The following GALNT13 variants were observed in gnomAD, a reference collection of about 807,000 sequenced individuals.
GALNT13 encodes polypeptide N-acetylgalactosaminyltransferase 13, also known as UDP-GalNAc:polypeptide N-acetylgalactosaminyltransferase 13.
In GALNT13, 28 loss-of-function variants were observed where a neutral mutation model predicts 64.2. The ratio of observed to expected loss-of-function variants is 0.44; its 90% confidence interval spans 0.32 to 0.60. The LOEUF is 0.60. GALNT13 is among the 20% of genes least tolerant of loss of function. GALNT13 has a pLI of 0.05. For missense variants in GALNT13, 577 were observed against 669.8 expected (o/e 0.86, Z 1.53); for synonymous variants, 214 against 224.6 (o/e 0.95, Z 0.42).
chr2:154,177,645 A>T (rs1267458065), intron 4 of GALNT13, among the ~76,000 whole-genome samples: 1 of 152,188 alleles, frequency 6.6e-6, no homozygotes, highest in Admixed American at 6.5e-5. Flanking sequence ...AGTAACAGGG[A>T]TACTGTGCAG....
At position 154,242,711 on chromosome 2, in the gene GALNT13, G is replaced by A; in HGVS notation, c.492G>A (p.Leu164=). Residue 164 remains leucine, a synonymous_variant, in exon 6 of 13, where the codon TTG becomes TTA. Transcript: ENST00000392825. ...TACATGTTACAGATTTTCTCAAGTT[G>A]ACATTAGAGAATTACGTGAAAAATT... ...DDASERDFLK[L]TLENYVKNLE... 1 of 1,608,504 alleles carries A rather than the reference G, an allele frequency of 6.2e-7. No homozygotes were observed. Among genetic ancestry groups the A allele is most frequent in the Non-Finnish European group, 8.5e-7 (1 of 1,175,096 alleles).
chr2:154,266,374 T>G (rs1691001797), intron 8 of GALNT13, among the ~76,000 whole-genome samples: 2 of 152,084 alleles, frequency 1.3e-5, no homozygotes, highest in South Asian at 4.1e-4. Flanking sequence ...TCCAATGGAA[T>G]CTACAAAAGT....
chr2:153,766,588 T>G, the GALNT13 span, among the ~76,000 whole-genome samples: 1 of 152,148 alleles, frequency 6.6e-6, no homozygotes, highest in South Asian at 2.1e-4. Context: ...TAATTTCAGA[T>G]ATTCTGTCTT....
the GALNT13 span, among the ~76,000 whole-genome samples, chr2:153,283,161 GC>G: frequency 6.6e-6 from 1 of 152,204 alleles, no homozygotes; most frequent in African/African-American, 2.4e-5. Context: ...GATGGGAGGG[GC>G]CAGACAGGGC....
chr2:153,861,946 A>G, the GALNT13 span, among the ~76,000 whole-genome samples: 1 of 152,106 alleles, frequency 6.6e-6, no homozygotes, highest in Non-Finnish European at 1.5e-5. Context: ...AATCTAGCTA[A>G]TGGTGGCTCA....
At chr2:154,287,977 T>C (rs1469620431) in intron 8 of GALNT13, among the ~76,000 whole-genome samples, 1 of 152,124 alleles carries the variant, frequency 6.6e-6, no homozygotes, top group Non-Finnish European at 1.5e-5. Context: ...TTGTCCAACC[T>C]GCTTTGCTTT....
At chr2:153,664,984 G>C in the GALNT13 span, among the ~76,000 whole-genome samples, 1 of 152,142 alleles carries the variant, frequency 6.6e-6, no homozygotes, top group Admixed American at 6.5e-5. Context: ...GGCAGCAATA[G>C]TAACTAGAAC....
At chr2:154,430,474 C>T (rs1020467313) in intron 11 of GALNT13, among the ~76,000 whole-genome samples, 1 of 152,158 alleles carries the variant, frequency 6.6e-6, no homozygotes, top group Non-Finnish European at 1.5e-5. Flanking sequence ...CAAGCTAAAA[C>T]TTTAATGAAT....
intron 8 of GALNT13, among the ~76,000 whole-genome samples, chr2:154,294,038 G>A (rs539551930): frequency 6.6e-6 from 1 of 152,166 alleles, no homozygotes; most frequent in African/African-American, 2.4e-5. Context: ...CAAATTTTGA[G>A]GAGAGGCTTT....
the GALNT13 span, among the ~76,000 whole-genome samples, chr2:153,465,159 T>C: frequency 2.6e-5 from 4 of 152,280 alleles, no homozygotes; most frequent in African/African-American, 7.2e-5. Flanking sequence ...CTCTACCACC[T>C]GGAGAGGAGT....
At chr2:154,443,054 A>G (rs1701383334) in intron 12 of GALNT13, among the ~76,000 whole-genome samples, 1 of 152,052 alleles carries the variant, frequency 6.6e-6, no homozygotes, top group African/African-American at 2.4e-5. Context: ...GAGCAGGTAA[A>G]TGGGATTATA....
At chr2:153,844,408 GA>G in the GALNT13 span, among the ~76,000 whole-genome samples, 3 of 152,190 alleles carry the variant, frequency 2.0e-5, no homozygotes, top group African/African-American at 7.2e-5. Context: ...CCAGAATGTG[GA>G]GAGCATTGTC....
At chr2:153,116,782 G>A in the GALNT13 span, among the ~76,000 whole-genome samples, 2 of 147,712 alleles carry the variant, frequency 1.4e-5, no homozygotes, top group African/African-American at 4.9e-5. Flanking sequence ...ACAGAGATAG[G>A]TGTGTTGTCT....
intron 10 of GALNT13, among the ~76,000 whole-genome samples, chr2:154,405,914 A>G (rs707054): frequency 0.99 from 150,928 of 152,210 alleles, 74,841 homozygotes; most frequent in East Asian, 1. Flanking sequence ...AAGAATTAAG[A>G]GGGGGAAAAT....
chr2:154,379,690 C>A (rs1386034262), intron 9 of GALNT13, among the ~76,000 whole-genome samples: 1 of 151,968 alleles, frequency 6.6e-6, no homozygotes, highest in Non-Finnish European at 1.5e-5. Context: ...AAACAGAAAT[C>A]TATAATTACA....
chr2:153,825,580 C>T, the GALNT13 span, among the ~76,000 whole-genome samples: 3 of 147,352 alleles, frequency 2.0e-5, no homozygotes, highest in Non-Finnish European at 4.5e-5. Context: ...CTTGCAATTG[C>T]TAGTATCTGT....
rs574448423 is a variant in GALNT13, at chr2:153,915,284, G to A, written c.-105+14277G>A. The stretch of plus-strand genomic sequence containing the variant: ...GTATTAGAGAAAATTTTGGGGAATT[G>A]GTAAGGATTTTGTGACTTTATACCT... On this transcript the variant is annotated intron_variant, in intron 2 of 12. Transcript: ENST00000392825. 2.0e-5 allele frequency among the ~76,000 whole-genome samples: 3 copies of A among 152,154 alleles called. No homozygotes were observed. In the East Asian group the frequency reaches 5.8e-4, roughly 30 times the overall value.
At chr2:154,455,746 T>C (rs1376865050), downstream of GALNT13, among the ~76,000 whole-genome samples, 2 of 152,220 alleles carry the variant, frequency 1.3e-5, no homozygotes, top group African/African-American at 4.8e-5. Flanking sequence ...GTTTGTTTTA[T>C]ATTGGTCAAT....
At chr2:153,775,106 C>T in the GALNT13 span, among the ~76,000 whole-genome samples, 30 of 152,142 alleles carry the variant, frequency 2.0e-4, no homozygotes, top group African/African-American at 6.7e-4. Flanking sequence ...TGCAAATTTT[C>T]CTTTTTTAAG....
Sources: allele counts gnomAD v4.1 joint callset (sites outside exome capture counted in the v4.1 genomes callset), GRCh38; gene constraint gnomAD v4.1.1; transcripts MANE v1.5; gene names NCBI Gene and HGNC (gene_info 2026-07-23, HGNC 2026-07-21).